The following ZNRF1 variants were observed in gnomAD, a reference collection of about 807,000 sequenced individuals.
ZNRF1 encodes the protein zinc and ring finger 1, also known as E3 ubiquitin-protein ligase ZNRF1.
A neutral mutation model predicts 18.4 loss-of-function variants in ZNRF1; 3 were observed. The ratio of observed to expected loss-of-function variants is 0.16; its 90% CI spans 0.07 to 0.42. The LOEUF (loss-of-function observed/expected upper bound fraction) is 0.42, where lower values mean the gene tolerates loss of function less well. Ranked by LOEUF, ZNRF1 falls within the 10% of genes least tolerant of loss-of-function variation. The pLI, the probability that ZNRF1 is intolerant of heterozygous loss-of-function variation, is 0.99. For missense variants in ZNRF1, 310 were observed against 329.8 expected, an observed-to-expected ratio of 0.94 and a Z score of 0.47; for synonymous variants, 157 against 144.2, an observed-to-expected ratio of 1.09 and a Z score of -0.64.
intron 1 of ZNRF1, among the ~76,000 whole-genome samples, chr16:75,042,162 T>C (rs920268374): frequency 3.3e-5 from 5 of 152,212 alleles, no homozygotes; most frequent in African/African-American, 4.8e-5. Context: ...TCAGATATGA[T>C]TTGCAACTAT....
chr16:75,052,902 A>G (rs184852318), intron 1 of ZNRF1, among the ~76,000 whole-genome samples: 45 of 152,324 alleles, frequency 3.0e-4, no homozygotes, highest in Non-Finnish European at 6.2e-4. Flanking sequence ...ACACAAACTT[A>G]CAGAGTTAAA....
rs959545841 is a variant in ZNRF1 at position 74,999,889 on chromosome 16, C to T, written c.218C>T (p.Thr73Ile). Residue 73 changes from threonine (T) to isoleucine (I), a missense_variant, in exon 1 of 5, where the codon ACC (threonine) becomes ATC (isoleucine). Physicochemically the swap from Thr to Ile is moderately conservative, Grantham distance 89. Around this residue, in one of 2 missense-constraint regions of ZNRF1, gnomAD observed 293 missense variants for 291.2 expected, o/e 1.01. Transcript: ENST00000335325. Reference sequence around the variant, plus strand: ...GGGGGGGTGCCCTTTGGCCTCTACACCCCCGCCTCCCGGGGCACCGGCGAC... The same window carrying T: ...GGGGGGGTGCCCTTTGGCCTCTACATCCCCGCCTCCCGGGGCACCGGCGAC... The part of the protein sequence containing the change: ...TAGGVPFGLY[T>I]PASRGTGDSE... 1.3e-6 allele frequency: 2 copies of T among 1,539,748 alleles called. No homozygotes were observed. Among genetic ancestry groups the T allele is most frequent in the Non-Finnish European group, 1.7e-6 (2 of 1,145,848 alleles).
At chr16:75,062,194 A>C (rs1410907025) in intron 1 of ZNRF1, among the ~76,000 whole-genome samples, 2 of 152,328 alleles carry the variant, frequency 1.3e-5, no homozygotes, top group East Asian at 3.9e-4. Flanking sequence ...ATTTGTAATA[A>C]CATGCTTAGA....
chr16:75,084,504 G>C (rs186507846), intron 1 of ZNRF1: 2 of 152,274 alleles, frequency 1.3e-5, no homozygotes, highest in East Asian at 1.9e-4. Context: ...ACTGGCACCA[G>C]ATTTCCTATT....
At chr16:75,071,422 T>C (rs765377067) in intron 1 of ZNRF1, among the ~76,000 whole-genome samples, 1 of 152,144 alleles carries the variant, frequency 6.6e-6, no homozygotes, top group Non-Finnish European at 1.5e-5. Context: ...TTCCCTCACG[T>C]GTCTGGTTCT....
intron 1 of ZNRF1, among the ~76,000 whole-genome samples, chr16:75,040,239 C>G (rs1471120613): frequency 6.6e-6 from 1 of 151,740 alleles, no homozygotes; most frequent in East Asian, 1.9e-4. Flanking sequence ...ACTTCCATCT[C>G]TCAAAAAGTC....
At chr16:75,040,131 A>G (rs1043024327) in intron 1 of ZNRF1, among the ~76,000 whole-genome samples, 2 of 135,442 alleles carry the variant, frequency 1.5e-5, no homozygotes, top group Non-Finnish European at 3.0e-5. Context: ...CGCAGCCTTG[A>G]CCTTCTAGGC....
chr16:75,087,195 G>A (rs149885323), intron 1 of ZNRF1, among the ~76,000 whole-genome samples: 2 of 152,278 alleles, frequency 1.3e-5, no homozygotes, highest in Non-Finnish European at 2.9e-5. Context: ...GGTAGGGCCT[G>A]GGTGAAGGGA....
At chr16:75,096,925 C>T (rs1227895160) in intron 2 of ZNRF1, among the ~76,000 whole-genome samples, 1 of 152,056 alleles carries the variant, frequency 6.6e-6, no homozygotes, top group Admixed American at 6.6e-5. Context: ...AGGACAGGCA[C>T]CTGGCTGGGG....
chr16:75,106,063 G>A (rs879742509), intron 3 of ZNRF1: 12 of 178,034 alleles, frequency 6.7e-5, no homozygotes, highest in Non-Finnish European at 1.5e-4. Flanking sequence ...ACCCAGAGCC[G>A]TGGCCCTCCT....
intron 1 of ZNRF1, among the ~76,000 whole-genome samples, chr16:75,069,358 G>A (rs1567485324): frequency 6.6e-6 from 1 of 152,266 alleles, no homozygotes. Context: ...TCCCTTAAAT[G>A]GTTTCCCCTC....
At chr16:75,106,939 CTG>C (rs2036323464) in intron 4 of ZNRF1, 1 of 225,358 alleles carries the variant, frequency 4.4e-6, no homozygotes, top group African/African-American at 2.2e-5. Context: ...TCGCTCACCT[CTG>C]AGTCTCCGCC....
At position 75,110,399 on chromosome 16, in the gene ZNRF1, A is replaced by G. The variant is rs1043503; in HGVS notation, c.*2699A>G. The G allele has an allele frequency of 0.76, 115,503 of 152,210 alleles. 45,481 individuals carry two copies. Among genetic ancestry groups the G allele is most frequent in the Non-Finnish European group, 0.87 (59,010 of 68,036 alleles). 9.4% of individuals were successfully genotyped at this position (152,210 alleles called of 1,614,324 possible). On this transcript the variant is annotated 3_prime_UTR_variant, in exon 5 of 5. Transcript: ENST00000335325. ...ACCCTCTCTGCTAAGGGCCTAGCAC[A>G]CTTTGATGAGGTTCCTGGACGTGAG...
intron 1 of ZNRF1, among the ~76,000 whole-genome samples, chr16:75,063,562 T>A (rs1438149917): frequency 6.6e-6 from 1 of 152,202 alleles, no homozygotes; most frequent in Non-Finnish European, 1.5e-5. Flanking sequence ...ATGTTTTTAA[T>A]TTTAGCCTAA....
intron 1 of ZNRF1, among the ~76,000 whole-genome samples, chr16:75,038,314 G>A (rs2035399920): frequency 6.6e-6 from 1 of 152,184 alleles, no homozygotes; most frequent in Non-Finnish European, 1.5e-5. Flanking sequence ...AAGTTGGTGG[G>A]CATGATGAGG....
chr16:75,065,334 G>A (rs2035789389), intron 1 of ZNRF1, among the ~76,000 whole-genome samples: 1 of 152,138 alleles, frequency 6.6e-6, no homozygotes, highest in Non-Finnish European at 1.5e-5. Context: ...GGGTGCCTTA[G>A]ACTACTGCCG....
chr16:75,063,551 C>G lies in ZNRF1; in HGVS notation c.425-30021C>G, dbSNP rs546719955. 2.0e-5 allele frequency among the ~76,000 whole-genome samples: 3 copies of G among 152,222 alleles called. No individual in the cohort carries two copies. The South Asian group carries it at 6.2e-4, about 32-fold the overall frequency. ...AAAATATATGGTGGTATTTCGTTGG[C>G]ATGTTTTTAATTTTAGCCTAAAGAC... On this transcript the variant is annotated intron_variant, in intron 1 of 4. Coordinates refer to ENST00000335325, the MANE Select transcript of ZNRF1 (RefSeq NM_032268.5).
At chr16:75,064,050 G>C (rs1023467568) in intron 1 of ZNRF1, among the ~76,000 whole-genome samples, 1 of 152,206 alleles carries the variant, frequency 6.6e-6, no homozygotes, top group African/African-American at 2.4e-5. Context: ...GTAAATCCCA[G>C]CACTTTGGGA....
chr16:75,011,726 C>T (rs1390743546), intron 1 of ZNRF1, among the ~76,000 whole-genome samples: 2 of 152,156 alleles, frequency 1.3e-5, no homozygotes, highest in Non-Finnish European at 1.5e-5. Flanking sequence ...AGCTAGCTGC[C>T]ATCCATCTTA....
Sources: gnomAD v4.1 joint callset for allele counts (sites outside exome capture counted in the v4.1 genomes callset) on GRCh38, gnomAD v4.1.1 for gene constraint, gnomAD v4.1.1 regional missense constraint, MANE v1.5 for transcripts, NCBI Gene and HGNC (gene_info 2026-07-23, HGNC 2026-07-21) for gene names.